The following NCOA1 variants were observed in gnomAD, a reference collection of about 807,000 sequenced individuals.
NCOA1 encodes the protein nuclear receptor coactivator 1, also known as Hin-2 protein.
A neutral mutation model predicts 150.9 loss-of-function variants in NCOA1; 35 were observed. The ratio of observed to expected loss-of-function variants is 0.23; its 90% CI spans 0.18 to 0.31. NCOA1 has a LOEUF of 0.31. Ranked by LOEUF, NCOA1 falls within the 10% of genes least tolerant of loss-of-function variation. The pLI is 1.00. For synonymous variants in NCOA1, 590 were observed against 630.0 expected, an observed-to-expected ratio of 0.94 and a Z score of 0.95; for missense variants, 1,491 against 1,749.3, an observed-to-expected ratio of 0.85 and a Z score of 2.63.
In NCOA1 at chr2:24,665,839, G is replaced by T. The variant is rs1174845906; in HGVS notation, c.180G>T (p.Leu60Phe). The T allele has an allele frequency of 6.2e-7, 1 of 1,606,004 alleles. No homozygotes were observed. The highest frequency in any genetic ancestry group is 8.5e-7 in the Non-Finnish European group (1 of 1,175,904). ...CCAACATTAGTGACATTGACAGCTT[G>T]AGTGTAAAACCAGACAAATGCAAGA... ...LSANISDIDS[L>F]SVKPDKCKIL... The change falls in exon 6 of 23, where the codon TTG (leucine) becomes TTT (phenylalanine). Residue 60 changes from leucine (L) to phenylalanine (F), a missense_variant. Physicochemically the swap from Leu to Phe is conservative, Grantham distance 22. Coordinates refer to ENST00000348332, the MANE Select transcript of NCOA1 (RefSeq NM_003743.5).
chr2:24,595,841 A>C (rs1667863284), intron 3 of NCOA1, among the ~76,000 whole-genome samples: 1 of 152,074 alleles, frequency 6.6e-6, no homozygotes, highest in East Asian at 1.9e-4. Flanking sequence ...GATCTCCGAT[A>C]ATTTGCCTCA....
chr2:24,658,861 G>A (rs1671060155), intron 5 of NCOA1, 95 bp downstream of exon 5: 1 of 1,111,658 alleles, frequency 9.0e-7, no homozygotes, highest in South Asian at 1.3e-5. Flanking sequence ...CAAGTTCAGT[G>A]GCTTTCTTTG....
At chr2:24,671,236 A>G (rs1336279326) in intron 6 of NCOA1, among the ~76,000 whole-genome samples, 1 of 152,232 alleles carries the variant, frequency 6.6e-6, no homozygotes, top group Non-Finnish European at 1.5e-5. Flanking sequence ...TTAAATCTCA[A>G]ACATAATATT....
At chr2:24,639,970 A>T (rs1015029560) in intron 3 of NCOA1, among the ~76,000 whole-genome samples, 2 of 128,646 alleles carry the variant, frequency 1.6e-5, no homozygotes, top group African/African-American at 6.2e-5. Flanking sequence ...ATATATATAT[A>T]TTCAGAGTAT....
rs764634327 is a variant in NCOA1, at chr2:24,706,631, T to C, written c.1161T>C (p.Asn387=). The C allele has an allele frequency of 1.9e-6, 3 of 1,614,124 alleles. No homozygotes were observed. Among genetic ancestry groups the C allele is most frequent in the Admixed American group, 1.7e-5 (1 of 60,022 alleles). Residue 387 remains asparagine, a synonymous_variant, in exon 13 of 23, where the codon AAT becomes AAC. Coordinates refer to ENST00000348332, the MANE Select transcript of NCOA1 (RefSeq NM_003743.5). ...TNSGMSIPRV[N]PSVNPSISPA... is the part of the protein sequence containing the mutation. ...CTGGAATGTCAATTCCCCGAGTAAA[T>C]CCCTCGGTCAATCCTAGTATCTCTC...
At chr2:24,561,934 A>G (rs1450037391) in intron 1 of NCOA1, among the ~76,000 whole-genome samples, 1 of 152,200 alleles carries the variant, frequency 6.6e-6, no homozygotes, top group Admixed American at 6.5e-5. Flanking sequence ...TGATGAGAAT[A>G]CCTTAATGTT....
chr2:24,733,563 G>A (rs1260782600), intron 17 of NCOA1, among the ~76,000 whole-genome samples: 1 of 152,056 alleles, frequency 6.6e-6, no homozygotes, highest in African/African-American at 2.4e-5. Context: ...GCGCAACATG[G>A]TGAAACCTCA....
intron 3 of NCOA1, among the ~76,000 whole-genome samples, chr2:24,621,446 T>G (rs1424800261): frequency 4.1e-5 from 5 of 122,744 alleles, no homozygotes; most frequent in Non-Finnish European, 8.4e-5. Flanking sequence ...TTTTTTTTTT[T>G]TTTTTTTTTT....
rs564209555 is a variant in NCOA1, at chr2:24,743,509, G to A, written c.3706+1323G>A. ...AGTCATCTTTGGCTGGTTTATATCA[G>A]TGACACTATCTGTGTGGGCGAGAAA... On this transcript the variant is annotated intron_variant, in intron 19 of 22. Coordinates refer to ENST00000348332, the MANE Select transcript of NCOA1 (RefSeq NM_003743.5). 8.5e-5 allele frequency among the ~76,000 whole-genome samples: 13 copies of A among 152,336 alleles called. No homozygotes were observed. The East Asian group carries it at 2.3e-3, about 27-fold the overall frequency.
intron 20 of NCOA1, among the ~76,000 whole-genome samples, chr2:24,754,669 A>G (rs1447885768): frequency 6.6e-6 from 1 of 152,134 alleles, no homozygotes; most frequent in Non-Finnish European, 1.5e-5. Context: ...TACTTTTTTC[A>G]TAGTGATTAA....
chr2:24,698,070 G>A lies in NCOA1; in HGVS notation c.949+272G>A, dbSNP rs566494519. Among the ~76,000 whole-genome samples, 70 of 152,082 alleles carry A rather than the reference G, an allele frequency of 4.6e-4. 2 individuals are homozygous for A. In the South Asian group the frequency reaches 0.013, roughly 29 times the overall value. Reference sequence around the variant, plus strand: ...GGCATGTATCAAGTTCCCAACATACGTAGAACACTATATAAGGTGCCAGGG... The same window carrying A: ...GGCATGTATCAAGTTCCCAACATACATAGAACACTATATAAGGTGCCAGGG... On this transcript the variant is annotated intron_variant, in intron 11 of 22. Transcript: ENST00000348332.
intron 1 of NCOA1, among the ~76,000 whole-genome samples, chr2:24,557,016 G>C (rs1207921054): frequency 6.6e-6 from 1 of 150,766 alleles, no homozygotes; most frequent in Non-Finnish European, 1.5e-5. Context: ...TTGGGTTGGG[G>C]GGGGTGGCTA....
chr2:24,725,776 A>T (rs1674587559), intron 14 of NCOA1, among the ~76,000 whole-genome samples: 1 of 151,710 alleles, frequency 6.6e-6, no homozygotes, highest in South Asian at 2.1e-4. Context: ...TTTTATATTA[A>T]TATATATGAA....
chr2:24,552,982 T>C (rs1267679390), intron 1 of NCOA1, among the ~76,000 whole-genome samples: 2 of 152,212 alleles, frequency 1.3e-5, no homozygotes, highest in Non-Finnish European at 2.9e-5. Flanking sequence ...CTGGCTTTTA[T>C]TCCTTCTTGC....
chr2:24,641,660 A>G (rs1178284865), intron 3 of NCOA1, among the ~76,000 whole-genome samples: 1 of 152,270 alleles, frequency 6.6e-6, no homozygotes, highest in East Asian at 1.9e-4. Flanking sequence ...CCCCTTCAGC[A>G]TTTTAATGGA....
intron 3 of NCOA1, among the ~76,000 whole-genome samples, chr2:24,603,306 G>C (rs1413308564): frequency 6.6e-6 from 1 of 152,170 alleles, no homozygotes; most frequent in Non-Finnish European, 1.5e-5. Flanking sequence ...GATGGTTGCT[G>C]ACTAATCAGG....
chr2:24,762,550 C>T, intron 21 of NCOA1, 137 bp from the exon 22 acceptor site: 1 of 735,032 alleles, frequency 1.4e-6, no homozygotes, highest in East Asian at 2.7e-5. Context: ...CTTGTAACAA[C>T]ACAGTTAATT....
chr2:24,595,925 A>G (rs1667866887), intron 3 of NCOA1, among the ~76,000 whole-genome samples: 1 of 152,156 alleles, frequency 6.6e-6, no homozygotes, highest in Non-Finnish European at 1.5e-5. Context: ...TACACTGTAT[A>G]TGGAAGCCCC....
chr2:24,758,292 G>T lies in NCOA1; in HGVS notation c.4065+136G>T. 4.9e-6 allele frequency: 4 copies of T among 815,708 alleles called. No individual in the cohort carries two copies. In the South Asian group the frequency reaches 1.4e-4, roughly 28 times the overall value. The allele number at this position is 815,708 out of a possible 1,614,324, so 50.5% of individuals were successfully genotyped here. On this transcript the variant is annotated intron_variant, in intron 21 of 22. Transcript: ENST00000348332. ...TCCCACTAACTTTTAATAATTACTG[G>T]CTCTTAAGATATACAATGAAAAATT...
Sources: gnomAD v4.1 joint callset for allele counts (sites outside exome capture counted in the v4.1 genomes callset) on GRCh38, gnomAD v4.1.1 for gene constraint, MANE v1.5 for transcripts, NCBI Gene and HGNC (gene_info 2026-07-23, HGNC 2026-07-21) for gene names.